The following A2M variants were observed in gnomAD, a reference collection of about 807,000 sequenced individuals.
The protein encoded by A2M is alpha-2-macroglobulin.
In A2M, 128 loss-of-function variants were observed where a neutral mutation model predicts 183.9. The observed-to-expected ratio is 0.70, with a 90% confidence interval of 0.60 to 0.81. The LOEUF is 0.81. Ranked by LOEUF, A2M falls within the 30% of genes least tolerant of loss-of-function variation. The pLI, the probability that A2M is intolerant of heterozygous loss-of-function variation, is 0.00. For missense variants in A2M, 1,495 were observed against 1,787.6 expected (o/e 0.84, Z 2.95); for synonymous variants, 592 against 670.8 (o/e 0.88, Z 1.81).
At chr12:9,101,761 A>T in intron 11 of A2M, 87 bp from the exon 12 acceptor site, 1 of 1,028,988 alleles carries the variant, frequency 9.7e-7, no homozygotes. Context: ...TTACTGTCCT[A>T]CCTTAACTAG....
intron 29 of A2M, among the ~76,000 whole-genome samples, chr12:9,074,087 TAAAAAAA>T (rs3080599): frequency 2.3e-5 from 3 of 131,582 alleles, no homozygotes; most frequent in Non-Finnish European, 3.2e-5. Context: ...GACTCTGTCT[TAAAAAAA>T]AAAAAAAAAA....
At chr12:9,088,708 A>G (rs2137773437) in intron 22 of A2M, among the ~76,000 whole-genome samples, 1 of 152,286 alleles carries the variant, frequency 6.6e-6, no homozygotes, top group Middle Eastern at 3.4e-3. Flanking sequence ...AATGTTTGAT[A>G]GGGCATTAGG....
At position 9,107,350 on chromosome 12, in the gene A2M, G is replaced by T. The variant is rs1026120659; in HGVS notation, c.879+174C>A. On this transcript the variant is annotated intron_variant, in intron 8 of 35. Coordinates refer to ENST00000318602, the MANE Select transcript of A2M (RefSeq NM_000014.6). ...AAACACTCACAATGGGCAATTACGAGAAATAAATAATTCCCATTGTGCTAA... is the reference window on the plus strand; with the variant it reads ...AAACACTCACAATGGGCAATTACGATAAATAAATAATTCCCATTGTGCTAA... Among the ~76,000 whole-genome samples, 19 of 152,242 alleles carry T rather than the reference G, an allele frequency of 1.2e-4. No homozygotes were observed. In the Middle Eastern group the frequency reaches 0.01, roughly 82 times the overall value.
intron 2 of A2M, 55 bp downstream of exon 2, chr12:9,113,305 C>A (rs1449023462): frequency 1.3e-6 from 2 of 1,569,888 alleles, no homozygotes; most frequent in Non-Finnish European, 1.7e-6. Context: ...AATACTAGAT[C>A]CCTATGACCC....
At chr12:9,112,719 A>G in intron 2 of A2M, 183 bp from the exon 3 acceptor site, 1 of 611,794 alleles carries the variant, frequency 1.6e-6, no homozygotes, top group South Asian at 2.0e-5. Flanking sequence ...GAGACAGGAC[A>G]CAAGGTGGAG....
chr12:9,116,159 A>G (rs757140438), upstream of A2M: 1 of 359,428 alleles, frequency 2.8e-6, no homozygotes, highest in African/African-American at 2.1e-5. Flanking sequence ...AAGCTTTTCA[A>G]CCTCTTCTCT....
intron 28 of A2M, among the ~76,000 whole-genome samples, chr12:9,075,828 A>T (rs1463541456): frequency 6.6e-6 from 1 of 152,122 alleles, no homozygotes; most frequent in Non-Finnish European, 1.5e-5. Flanking sequence ...CAAGGGATTT[A>T]TTTTTCCCAT....
In A2M at chr12:9,068,779, T is replaced by G; in HGVS notation, c.4327A>C (p.Lys1443Gln). The G allele has an allele frequency of 6.2e-7, 1 of 1,609,370 alleles. No individual in the cohort carries two copies. The highest frequency in any genetic ancestry group is 8.5e-7 in the Non-Finnish European group (1 of 1,177,876). The change falls in exon 34 of 36, where the codon AAA (lysine) becomes CAA (glutamine). Residue 1443 changes from lysine to glutamine, a missense_variant. Transcript: ENST00000318602. ...VLQDVPVRDL[K>Q]PAIVKVYDYY... Reference sequence around the variant, plus strand: ...TCATAGACTTTCACTATGGCTGGTTTCAGATCTCTTACTGGGACATCTTGC... The same window carrying G: ...TCATAGACTTTCACTATGGCTGGTTGCAGATCTCTTACTGGGACATCTTGC...
intron 22 of A2M, among the ~76,000 whole-genome samples, chr12:9,083,572 AG>A (rs1803447238): frequency 6.6e-6 from 1 of 151,994 alleles, no homozygotes; most frequent in Non-Finnish European, 1.5e-5. Context: ...GTGAGCTCAA[AG>A]ATAGAGTATT....
chr12:9,107,567 T>G lies in A2M; in HGVS notation c.836A>C (p.His279Pro), dbSNP rs1181473714. ...CRKYSDASDC[H>P]GEDSQAFCEK... Reference sequence around the variant, plus strand: ...ACAGAAAGCCTGTGAATCTTCACCGTGGCAGTCGGAAGCGTCACTATACTT... The same window carrying G: ...ACAGAAAGCCTGTGAATCTTCACCGGGGCAGTCGGAAGCGTCACTATACTT... Residue 279 changes from histidine to proline, a missense_variant, in exon 8 of 36, where the codon CAC becomes CCC. Physicochemically the swap from His to Pro is moderately conservative, Grantham distance 77 (BLOSUM62 -2). Transcript: ENST00000318602. 6.2e-7 allele frequency: 1 copy of G among 1,614,014 alleles called. No individual in the cohort carries two copies. Among genetic ancestry groups the G allele is most frequent in the Admixed American group, 1.7e-5 (1 of 60,028 alleles).
chr12:9,081,960 T>C (rs1359193502), intron 22 of A2M, among the ~76,000 whole-genome samples: 1 of 152,212 alleles, frequency 6.6e-6, no homozygotes, highest in African/African-American at 2.4e-5. Flanking sequence ...CTGGTCACTT[T>C]CAGAAGCATG....
At chr12:9,074,079 C>T (rs1277030495) in intron 29 of A2M, among the ~76,000 whole-genome samples, 2 of 108,250 alleles carry the variant, frequency 1.8e-5, no homozygotes, top group Non-Finnish European at 3.7e-5. Flanking sequence ...CAGAGCAAGA[C>T]TCTGTCTTAA....
intron 18 of A2M, among the ~76,000 whole-genome samples, chr12:9,092,758 C>T (rs572069623): frequency 6.6e-6 from 1 of 152,222 alleles, no homozygotes; most frequent in Non-Finnish European, 1.5e-5. Context: ...AATCCCTCTT[C>T]TGGGTATACT....
At position 9,099,265 on chromosome 12, in the gene A2M, T is replaced by A. The variant is rs3741853; in HGVS notation, c.1701+116A>T. The A allele has an allele frequency of 2.3e-4, 219 of 950,440 alleles. 2 individuals carry two copies. The East Asian group carries it at 3.8e-3, about 16-fold the overall frequency. 58.9% of individuals were successfully genotyped at this position (950,440 alleles called of 1,614,324 possible). On this transcript the variant is annotated intron_variant, in intron 14 of 35. Transcript: ENST00000318602. ...GACTCTGCCACTACCTTGCTGAATG[T>A]CTCTGGGGAATTTGTTTAACCCTTT...
In A2M at chr12:9,106,496, C is replaced by G. The variant is rs1332352469; in HGVS notation, c.989G>C (p.Gly330Ala). 3.8e-6 allele frequency: 6 copies of G among 1,586,874 alleles called. No homozygotes were observed. Among genetic ancestry groups the G allele is most frequent in the Non-Finnish European group, 5.2e-6 (6 of 1,161,498 alleles). ...TACCCATGTAGTACACAAACCTGTT[C>G]CTTCTTCTTGGATCTGGGCCTCAGT... is the stretch of plus-strand genomic sequence containing the variant. ...LHTEAQIQEE[G>A]TVVELTGRQS... The change falls in exon 9 of 36, where the codon GGA becomes GCA. Residue 330 changes from glycine to alanine, a missense_variant. Coordinates refer to ENST00000318602, the MANE Select transcript of A2M (RefSeq NM_000014.6).
Position 9,101,656 on chromosome 12 carries a change from T to A in A2M, c.1285A>T (p.Ser429Cys), listed in dbSNP as rs1252424472. ...LTVRVNYKDRSPCYGYQWVSE... is the reference protein window; with the variant it reads ...LTVRVNYKDRCPCYGYQWVSE... ...ACCCACTGGTAGCCGTAACAGGGAC[T>A]ACGATCCTTGTAATTGACCTAATGA... is the stretch of plus-strand genomic sequence containing the variant. The change falls in exon 12 of 36, where the codon AGT becomes TGT. Residue 429 changes from serine (S) to cysteine (C), a missense_variant. Coordinates refer to ENST00000318602, the MANE Select transcript of A2M (RefSeq NM_000014.6). 1 of 1,613,030 alleles carries A rather than the reference T, an allele frequency of 6.2e-7. No homozygotes were observed. The highest frequency in any genetic ancestry group is 8.5e-7 in the Non-Finnish European group (1 of 1,179,106).
Position 9,106,476 on chromosome 12 carries a change from A to C in A2M, c.994+15T>G. On this transcript the variant is annotated intron_variant, in intron 9 of 35. Transcript: ENST00000318602. ...GCCTGTTGTGTTTTCTCTTATACCCATGTAGTACACAAACCTGTTCCTTCT... is the reference window on the plus strand; with the variant it reads ...GCCTGTTGTGTTTTCTCTTATACCCCTGTAGTACACAAACCTGTTCCTTCT... The C allele has an allele frequency of 6.6e-7, 1 of 1,525,378 alleles. No homozygotes were observed. The highest frequency in any genetic ancestry group is 9.0e-7 in the Non-Finnish European group (1 of 1,107,136). 94.5% of individuals were successfully genotyped at this position (1,525,378 alleles called of 1,614,324 possible). A position where few individuals can be genotyped will look rare whatever the true frequency, so the allele number is the denominator to read the frequency against.
At chr12:9,070,771 C>T (rs1413059926) in intron 31 of A2M, among the ~76,000 whole-genome samples, 193 bp from the exon 32 acceptor site, 2 of 151,918 alleles carry the variant, frequency 1.3e-5, no homozygotes, top group Non-Finnish European at 2.9e-5. Flanking sequence ...AGACCAGGCC[C>T]TACTCTAGAC....
intron 22 of A2M, among the ~76,000 whole-genome samples, chr12:9,086,601 A>G (rs1949058675): frequency 6.6e-6 from 1 of 152,222 alleles, no homozygotes; most frequent in Non-Finnish European, 1.5e-5. Flanking sequence ...CTCTTTTATG[A>G]TAAAACTCTC....
Sources: gnomAD v4.1 joint callset for allele counts (sites outside exome capture counted in the v4.1 genomes callset) on GRCh38, gnomAD v4.1.1 for gene constraint, MANE v1.5 for transcripts, NCBI Gene and HGNC (gene_info 2026-07-23, HGNC 2026-07-21) for gene names.